MSS51: variants seen among roughly 807,000 people sequenced by gnomAD.
MSS51 encodes the protein MSS51 mitochondrial translational activator, also known as putative protein MSS51 homolog, mitochondrial.
A neutral mutation model predicts 40.2 loss-of-function variants in MSS51; 32 were observed. That is an observed-to-expected ratio of 0.80 (90% CI 0.60 to 1.07). The LOEUF (loss-of-function observed/expected upper bound fraction) is 1.07. Ranked by LOEUF, MSS51 falls within the 50% of genes least tolerant of loss-of-function variation. The pLI is 0.00. For missense variants in MSS51, 518 were observed against 568.9 expected (o/e 0.91, Z 0.91); for synonymous variants, 178 against 214.2 (o/e 0.83, Z 1.48).
In MSS51 at chr10:73,425,191, C is replaced by T; in HGVS notation, c.1070G>A (p.Gly357Asp). Residue 357 changes from glycine to aspartate, a missense_variant and splice_region_variant, in exon 6 of 7, where the codon GGT becomes GAT. Gly to Asp is a moderately conservative substitution (Grantham distance 94). Transcript: ENST00000299432. ...CATCAAGTCTGGGGAGGAATGAAAA[C>T]CTGTGGAACAAAAATGAAAATGGGA... The part of the protein sequence containing the change: ...HPDLVAAFHP[G>D]FHSSPDLMEA... The T allele has an allele frequency of 6.3e-7, 1 of 1,579,266 alleles. No homozygotes were observed. Among genetic ancestry groups the T allele is most frequent in the Non-Finnish European group, 8.6e-7 (1 of 1,167,122 alleles).
At position 73,426,610 on chromosome 10, in the gene MSS51, T is replaced by C; in HGVS notation, c.499A>G (p.Thr167Ala). ...ATCCTCAACACCACCACTCCACCTG[T>C]GACCAGAAGCCATTCCATGAGACGG... ...VDRLMEWLLV[T>A]GDFVLPSGPW... Residue 167 changes from threonine (T) to alanine (A), a missense_variant, in exon 4 of 7, where the codon ACA (threonine) becomes GCA (alanine). By Grantham distance (58) the Thr-to-Ala change is moderately conservative. Transcript: ENST00000299432. The C allele has an allele frequency of 6.2e-7, 1 of 1,614,190 alleles. No individual in the cohort carries two copies. Among genetic ancestry groups the C allele is most frequent in the South Asian group, 1.1e-5 (1 of 91,072 alleles).
At chr10:73,432,821 G>A (rs112450709) in intron 1 of MSS51, among the ~76,000 whole-genome samples, 2 of 152,160 alleles carry the variant, frequency 1.3e-5, no homozygotes, top group Non-Finnish European at 2.9e-5. Context: ...CCCAGGCCCA[G>A]ACACAGCTTC....
At position 73,428,075 on chromosome 10, in the gene MSS51, A is replaced by C. The variant is rs771478296; in HGVS notation, c.210T>G (p.Tyr70Ter). The C allele has an allele frequency of 6.2e-7, 1 of 1,614,038 alleles. No individual in the cohort carries two copies. The highest frequency in any genetic ancestry group is 1.7e-5 in the Admixed American group (1 of 60,024). ...LILQKLNMKS[Y>*]EEYKLVVDGG... ...AGCTGGTCACTCACTTATATTCTTC[A>C]TAGCTTTTCATGTTCAGCTTTTGAA... The change falls in exon 2 of 7, where the codon TAT becomes TAG. Residue 70 changes from tyrosine to a stop codon, truncating the protein, a stop_gained. Transcript: ENST00000299432. LOFTEE classifies it high-confidence loss of function.
intron 3 of MSS51, 63 bp downstream of exon 3, chr10:73,427,550 C>T: frequency 6.7e-7 from 1 of 1,497,568 alleles, no homozygotes. Flanking sequence ...AGGCATGAGT[C>T]ATCATGCCCG....
chr10:73,425,304 TATCATC>T (rs1211290955), intron 5 of MSS51, 113 bp from the exon 6 acceptor site: 1 of 640,442 alleles, frequency 1.6e-6, no homozygotes. Context: ...CCCCAGTCAT[TATCATC>T]ATCATCATCA....
At position 73,426,120 on chromosome 10, in the gene MSS51, C is replaced by T; in HGVS notation, c.760G>A (p.Gly254Arg). ...LTLGLGLRALGIDVRRTGGST... is the reference protein window; with the variant it reads ...LTLGLGLRALRIDVRRTGGST... ...CCCCCAGTCCTCCTAACATCTATCC[C>T]CAAGGCCCTAAGTCCTAGGCCTAGA... The change falls in exon 5 of 7, where the codon GGG (glycine) becomes AGG (arginine). Residue 254 changes from glycine to arginine, a missense_variant. Gly to Arg is a moderately radical substitution (Grantham distance 125). Coordinates refer to ENST00000299432, the MANE Select transcript of MSS51 (RefSeq NM_001024593.2). 1 of 1,614,202 alleles carries T rather than the reference C, an allele frequency of 6.2e-7. No individual in the cohort carries two copies. The highest frequency in any genetic ancestry group is 8.5e-7 in the Non-Finnish European group (1 of 1,180,024).
intron 3 of MSS51, among the ~76,000 whole-genome samples, 177 bp downstream of exon 3, chr10:73,427,436 C>T (rs900443021): frequency 6.6e-6 from 1 of 152,082 alleles, no homozygotes. Context: ...TGCCACCACA[C>T]CAGGCTAATT....
At position 73,424,758 on chromosome 10, in the gene MSS51, AC is replaced by A; in HGVS notation, c.1177del (p.Val393TyrfsTer60). 1 of 1,605,530 alleles carries A rather than the reference AC, an allele frequency of 6.2e-7. No homozygotes were observed. The highest frequency in any genetic ancestry group is 2.2e-5 in the East Asian group (1 of 44,884). ...TTCCACCAGAATCTGCAAAGAGGAT[AC>A]CAACTCCTGATGGCTGTAGAAGAGA... The part of the protein sequence containing the change: ...LITVYSHQEL[V>X]SSLQILVELD... On this transcript the variant is annotated frameshift_variant, in exon 7 of 7. Coordinates refer to ENST00000299432, the MANE Select transcript of MSS51 (RefSeq NM_001024593.2). LOFTEE classifies it high-confidence loss of function.
Position 73,424,813 on chromosome 10 carries a change from A to T in MSS51, c.1164-41T>A, listed in dbSNP as rs201939070. ...AAGAAAAATTACTCTACTGATTGTG[A>T]CAGAGATAAAGGAAAAACTGCCCAA... is the stretch of plus-strand genomic sequence containing the variant. On this transcript the variant is annotated intron_variant, in intron 6 of 6. Coordinates refer to ENST00000299432, the MANE Select transcript of MSS51 (RefSeq NM_001024593.2). 971 of 1,531,582 alleles carry T rather than the reference A, an allele frequency of 6.3e-4. 5 individuals carry two copies. Among genetic ancestry groups the T allele is most frequent in the African/African-American group, 5.4e-3 (394 of 73,304 alleles). The allele number at this position is 1,531,582 out of a possible 1,614,324, so 94.9% of individuals were successfully genotyped here.
chr10:73,428,379 C>T (rs41280396), intron 1 of MSS51, 78 bp from the exon 2 acceptor site: 2 of 1,110,656 alleles, frequency 1.8e-6, no homozygotes, highest in South Asian at 1.6e-5. Flanking sequence ...ATATGCTTGA[C>T]CTTTCATTTC....
intron 2 of MSS51, 46 bp downstream of exon 2, chr10:73,428,018 T>G: frequency 1.9e-6 from 3 of 1,566,942 alleles, no homozygotes; most frequent in Non-Finnish European, 2.6e-6. Context: ...GAAATTTACT[T>G]CTACCAGAGA....
chr10:73,428,380 C>T (rs955131376), intron 1 of MSS51, 79 bp from the exon 2 acceptor site: 1 of 1,099,884 alleles, frequency 9.1e-7, no homozygotes, highest in Non-Finnish European at 1.3e-6. Flanking sequence ...TATGCTTGAC[C>T]TTTCATTTCT....
At chr10:73,428,534 C>T (rs895584861) in intron 1 of MSS51, among the ~76,000 whole-genome samples, 3 of 152,060 alleles carry the variant, frequency 2.0e-5, no homozygotes, top group Non-Finnish European at 4.4e-5. Flanking sequence ...GCTCTGCCGC[C>T]CAGGCTGGAG....
At chr10:73,429,506 A>G (rs1387060415) in intron 1 of MSS51, 1 of 423,598 alleles carries the variant, frequency 2.4e-6, no homozygotes, top group Non-Finnish European at 4.8e-6. Flanking sequence ...CAATAAGCCA[A>G]GAAGTAAAAA....
At position 73,424,717 on chromosome 10, in the gene MSS51, T is replaced by G; in HGVS notation, c.1219A>C (p.Thr407Pro). The G allele has an allele frequency of 6.2e-7, 1 of 1,614,150 alleles. No individual in the cohort carries two copies. Among genetic ancestry groups the G allele is most frequent in the Non-Finnish European group, 8.5e-7 (1 of 1,180,014 alleles). Residue 407 changes from threonine to proline, a missense_variant, in exon 7 of 7, where the codon ACT becomes CCT. By Grantham distance (38) the Thr-to-Pro change is conservative (BLOSUM62 -1). Transcript: ENST00000299432. The part of the protein sequence containing the change: ...QILVELDTHI[T>P]AFGSNPFMSL... ...ATGAAAGGATTAGACCCAAAGGCAG[T>G]GATGTGTGTATCCAGTTCCACCAGA...
At chr10:73,427,532 G>A in intron 3 of MSS51, 81 bp downstream of exon 3, 1 of 1,457,860 alleles carries the variant, frequency 6.9e-7, no homozygotes, top group Non-Finnish European at 9.3e-7. Context: ...CCAAGGTGCT[G>A]GAATTACAGG....
chr10:73,428,658 G>T (rs7901820), intron 1 of MSS51, among the ~76,000 whole-genome samples: 7,060 of 151,728 alleles, frequency 0.047, 504 homozygotes, highest in African/African-American at 0.15. Flanking sequence ...GCTAATTTTT[G>T]TATTTTTTAG....
At position 73,426,353 on chromosome 10, in the gene MSS51, G is replaced by A; in HGVS notation, c.527C>T (p.Pro176Leu). The A allele has an allele frequency of 6.2e-7, 1 of 1,602,378 alleles. No individual in the cohort carries two copies. The highest frequency in any genetic ancestry group is 8.5e-7 in the Non-Finnish European group (1 of 1,179,888). The change falls in exon 5 of 7, where the codon CCT becomes CTT. Residue 176 changes from proline (P) to leucine (L), a missense_variant. Transcript: ENST00000299432. ...VTGDFVLPSG[P>L]WPWPPEAVQD... Reference sequence around the variant, plus strand: ...TACAGCTTCAGGTGGCCATGGCCAAGGTCCTGAGGGTAGAACAAAATCACC... The same window carrying A: ...TACAGCTTCAGGTGGCCATGGCCAAAGTCCTGAGGGTAGAACAAAATCACC...
rs1428351804 is a variant in MSS51, at chr10:73,426,029, T to G, written c.851A>C (p.Asp284Ala). 18 of 1,614,184 alleles carry G rather than the reference T, an allele frequency of 1.1e-5. No individual in the cohort carries two copies. The highest frequency in any genetic ancestry group is 1.5e-5 in the Non-Finnish European group (18 of 1,180,028). Residue 284 changes from aspartate to alanine, a missense_variant, in exon 5 of 7, where the codon GAT becomes GCT. Physicochemically the swap from Asp to Ala is moderately radical, Grantham distance 126 (BLOSUM62 -2). Coordinates refer to ENST00000299432, the MANE Select transcript of MSS51 (RefSeq NM_001024593.2). ...CCCAGGAAACATGTAACCAAGCTCA[T>G]CATAGTCCCCTGGGCGAGTAAGAAA... The part of the protein sequence containing the change: ...ETFLTRPGDY[D>A]ELGYMFPGHL...
Sources: gnomAD v4.1 joint callset for allele counts (sites outside exome capture counted in the v4.1 genomes callset) on GRCh38, gnomAD v4.1.1 for gene constraint, MANE v1.5 for transcripts, NCBI Gene and HGNC (gene_info 2026-07-23, HGNC 2026-07-21) for gene names.